The following ABCA1 variants were observed in gnomAD, a reference collection of about 807,000 sequenced individuals.
The protein encoded by ABCA1 is phospholipid-transporting ATPase ABCA1.
ABCA1 carries 133 observed loss-of-function variants against 262.5 expected under a neutral mutation model. The ratio of observed to expected loss-of-function variants is 0.51; its 90% confidence interval spans 0.44 to 0.59. ABCA1 has a LOEUF of 0.59. Among genes scored for constraint, ABCA1 ranks in the 20% least tolerant of loss-of-function variants. ABCA1 has a pLI of 0.00. For missense variants in ABCA1, 2,452 were observed against 2,777.5 expected (o/e 0.88, Z 2.63); for synonymous variants, 1,022 against 1,043.5 (o/e 0.98, Z 0.40).
rs559431991 is a variant in ABCA1 at position 104,845,875 on chromosome 9, C to T, written c.721-306G>A. 2.6e-5 allele frequency among the ~76,000 whole-genome samples: 4 copies of T among 152,312 alleles called. No homozygotes were observed. In the East Asian group the frequency reaches 7.7e-4, roughly 29 times the overall value. ...GGGGATGTGTCCAATACAACTCTGA[C>T]CGCAAATTCCCAAATCTGTCTGCGT... On this transcript the variant is annotated intron_variant, in intron 7 of 49. Coordinates refer to ENST00000374736, the MANE Select transcript of ABCA1 (RefSeq NM_005502.4).
At position 104,882,902 on chromosome 9, in the gene ABCA1, C is replaced by T. The variant is rs1050625204; in HGVS notation, c.421+137G>A. 1.3e-4 allele frequency: 117 copies of T among 915,532 alleles called. 1 individual carries two copies. In the African/African-American group the frequency reaches 1.6e-3, roughly 13 times the overall value. The allele number at this position is 915,532 out of a possible 1,614,324, so 56.7% of individuals were successfully genotyped here. ...ACCAATGCCTCCTGGAGAGGGGCCC[C>T]ACAGGCCAGCCACCAAGGAGAAAAA... is the stretch of plus-strand genomic sequence containing the variant. On this transcript the variant is annotated intron_variant, in intron 5 of 49. Transcript: ENST00000374736.
In ABCA1 at chr9:104,925,375, C is replaced by CAAAAAA. The variant is rs576630245; in HGVS notation, c.-93+2554_-93+2559dup. ...TGGGAAACAGAGCGAGACTGCATCT[C>CAAAAAA]AAAAAAAAAAAAAATGTGCCCAGGG... On this transcript the variant is annotated intron_variant, in intron 1 of 49. Transcript: ENST00000374736. Among the ~76,000 whole-genome samples the CAAAAAA allele has an allele frequency of 1.6e-5, 2 of 123,240 alleles. 1 individual carries two copies. The highest frequency in any genetic ancestry group is 3.4e-5 in the Non-Finnish European group (2 of 58,728). The allele number at this position is 123,240 out of a possible 152,430, so 80.9% of individuals were successfully genotyped here. A position where few individuals can be genotyped will look rare whatever the true frequency, so the allele number is the denominator to read the frequency against.
intron 17 of ABCA1, among the ~76,000 whole-genome samples, chr9:104,824,800 C>T (rs1217714028): frequency 1.3e-5 from 2 of 152,186 alleles, no homozygotes; most frequent in Non-Finnish European, 1.5e-5. Context: ...AGGTGCCATC[C>T]CCATTTTAGA....
At chr9:104,825,225 T>G (rs1832716952) in intron 17 of ABCA1, among the ~76,000 whole-genome samples, 1 of 152,180 alleles carries the variant, frequency 6.6e-6, no homozygotes, top group African/African-American at 2.4e-5. Flanking sequence ...GTACCCCCTC[T>G]GAGGACACAG....
chr9:104,924,551 A>G (rs2118557487), intron 1 of ABCA1, among the ~76,000 whole-genome samples: 1 of 151,878 alleles, frequency 6.6e-6, no homozygotes, highest in Non-Finnish European at 1.5e-5. Flanking sequence ...CGGAAGTTGC[A>G]GTGAGCCAAG....
intron 2 of ABCA1, among the ~76,000 whole-genome samples, chr9:104,898,472 A>G (rs1268961968): frequency 6.6e-6 from 1 of 151,918 alleles, no homozygotes; most frequent in Non-Finnish European, 1.5e-5. Flanking sequence ...GCTTGAAACC[A>G]GGAGGCAAAA....
rs747779657 is a variant in ABCA1 at position 104,827,015 on chromosome 9, A to G, written c.2270T>C (p.Leu757Pro). The part of the protein sequence containing the change: ...AACGGIIYFT[L>P]YLPYVLCVAW... ...CACACACAGGACGTAGGGCAGGTAC[A>G]GCGTGAAGTAGATGATGCCCCCACA... The change falls in exon 16 of 50, where the codon CTG (leucine) becomes CCG (proline). Residue 757 changes from leucine to proline, a missense_variant. Physicochemically the swap from Leu to Pro is moderately conservative, Grantham distance 98 (BLOSUM62 -3). Coordinates refer to ENST00000374736, the MANE Select transcript of ABCA1 (RefSeq NM_005502.4). 1.9e-5 allele frequency: 31 copies of G among 1,614,124 alleles called. No individual in the cohort carries two copies. The highest frequency in any genetic ancestry group is 2.6e-5 in the Non-Finnish European group (31 of 1,180,056).
intron 15 of ABCA1, 47 bp downstream of exon 15, chr9:104,828,869 C>G (rs1450476982): frequency 1.3e-6 from 2 of 1,591,640 alleles, no homozygotes; most frequent in South Asian, 2.2e-5. Context: ...CCGTGTTGAG[C>G]TATTTCGGAG....
At chr9:104,837,143 C>T in intron 10 of ABCA1, 47 bp from the exon 11 acceptor site, 1 of 1,471,256 alleles carries the variant, frequency 6.8e-7, no homozygotes, top group Non-Finnish European at 9.3e-7. Context: ...GGAGGAGAAG[C>T]ACAGACAATG....
Position 104,820,048 on chromosome 9 carries a change from G to C in ABCA1, c.2982C>G (p.Ile994Met). 1 of 1,614,176 alleles carries C rather than the reference G, an allele frequency of 6.2e-7. No individual in the cohort carries two copies. The highest frequency in any genetic ancestry group is 8.5e-7 in the Non-Finnish European group (1 of 1,180,032). The stretch of plus-strand genomic sequence containing the variant: ...GCCCTTTCAAGCGGGCATAGAACCA[G>C]ATGTGTTCTTCGACAGTCAGCCTGG... The part of the protein sequence containing the change: ...LFDMLTVEEH[I>M]WFYARLKGLS... The change falls in exon 21 of 50, where the codon ATC (isoleucine) becomes ATG (methionine). Residue 994 changes from isoleucine to methionine, a missense_variant. By Grantham distance (10) the Ile-to-Met change is conservative. This residue lies in a region of ABCA1 where 665 missense variants were observed against 727.3 expected (regional missense o/e 0.91). Transcript: ENST00000374736.
In ABCA1 at chr9:104,812,543, CAG is replaced by C. The variant is rs757625806; in HGVS notation, c.4050+29_4050+30del. On this transcript the variant is annotated intron_variant, in intron 28 of 49. Coordinates refer to ENST00000374736, the MANE Select transcript of ABCA1 (RefSeq NM_005502.4). ...AGAGCCTGCAGCCCACCCATGAAGCCAGAGTCTCTGGCGAAAACAGCACGTCT... is the reference window on the plus strand; with the variant it reads ...AGAGCCTGCAGCCCACCCATGAAGCCAGTCTCTGGCGAAAACAGCACGTCT... 9 of 1,613,910 alleles carry C rather than the reference CAG, an allele frequency of 5.6e-6. No homozygotes were observed. In the East Asian group the frequency reaches 1.8e-4, roughly 32 times the overall value.
At chr9:104,819,859 T>C in intron 21 of ABCA1, 68 bp downstream of exon 21, 3 of 1,608,776 alleles carry the variant, frequency 1.9e-6, no homozygotes, top group Non-Finnish European at 2.5e-6. Context: ...GCAGTGCTGA[T>C]TTTCCTCCGC....
chr9:104,914,483 A>C (rs183339937), intron 1 of ABCA1, among the ~76,000 whole-genome samples: 1 of 151,586 alleles, frequency 6.6e-6, no homozygotes, highest in Non-Finnish European at 1.5e-5. Flanking sequence ...CTGGACAACA[A>C]GAGTGAAACT....
chr9:104,861,117 G>C (rs1347452614), intron 6 of ABCA1, among the ~76,000 whole-genome samples: 1 of 152,088 alleles, frequency 6.6e-6, no homozygotes, highest in Non-Finnish European at 1.5e-5. Context: ...TGTTTCCCCA[G>C]TGCCATCTCA....
chr9:104,901,338 T>G (rs1156736614), intron 2 of ABCA1, among the ~76,000 whole-genome samples: 2 of 152,202 alleles, frequency 1.3e-5, no homozygotes, highest in East Asian at 3.8e-4. Context: ...ATCCCTTCCC[T>G]GCTTTGTACC....
chr9:104,798,685 C>T (rs1830095081), intron 36 of ABCA1, 87 bp from the exon 37 acceptor site: 1 of 1,066,714 alleles, frequency 9.4e-7, no homozygotes, highest in South Asian at 1.3e-5. Context: ...CAGACAAACA[C>T]ACACGTACAC....
chr9:104,787,839 C>T, intron 46 of ABCA1, 81 bp downstream of exon 46: 1 of 1,613,540 alleles, frequency 6.2e-7, no homozygotes, highest in South Asian at 1.1e-5. Context: ...CATACAACAG[C>T]CCTGGACATA....
chr9:104,848,343 G>A (rs1835073451), intron 7 of ABCA1, among the ~76,000 whole-genome samples: 1 of 152,108 alleles, frequency 6.6e-6, no homozygotes, highest in African/African-American at 2.4e-5. Context: ...GGCTGGGCAT[G>A]GTGGCTCACA....
In ABCA1 at chr9:104,804,614, G is replaced by GT. The variant is rs1564101811; in HGVS notation, c.4559+11dup. The GT allele has an allele frequency of 6.2e-7, 1 of 1,612,066 alleles. No homozygotes were observed. The highest frequency in any genetic ancestry group is 1.7e-5 in the Admixed American group (1 of 59,992). ...AATAATACGGCAGGGGCCAAGTTTA[G>GT]TAAAAAGTCACCTTTTGGCTATGAT... On this transcript the variant is annotated intron_variant, in intron 32 of 49. Coordinates refer to ENST00000374736, the MANE Select transcript of ABCA1 (RefSeq NM_005502.4).
Sources: allele counts gnomAD v4.1 joint callset (sites outside exome capture counted in the v4.1 genomes callset), GRCh38; gene constraint gnomAD v4.1.1; regional missense constraint gnomAD v4.1.1; transcripts MANE v1.5; gene names NCBI Gene and HGNC (gene_info 2026-07-23, HGNC 2026-07-21).